Variants in CDKN2B-AS1 observed in about 807,000 individuals in gnomAD.
CDKN2B-AS1 encodes CDKN2B antisense RNA 1 (non-protein coding).
chr9:22,064,195 G>A (rs989227508), intron 4 of CDKN2B-AS1, among the ~76,000 whole-genome samples: 2 of 152,172 alleles, frequency 1.3e-5, no homozygotes, highest in African/African-American at 4.8e-5. Flanking sequence ...GTTCTATTGT[G>A]TCTTGAAGAA....
chr9:22,094,958 G>C (rs942582114), intron 4 of CDKN2B-AS1, among the ~76,000 whole-genome samples: 2 of 144,164 alleles, frequency 1.4e-5, no homozygotes, highest in Admixed American at 6.7e-5. Context: ...TACCTTTGGT[G>C]TTTGATGATG....
chr9:22,091,961 G>C lies in CDKN2B-AS1; in HGVS notation n.439-35142G>C, dbSNP rs542348295. 9.7e-3 allele frequency among the ~76,000 whole-genome samples: 1,472 copies of C among 152,212 alleles called. 28 individuals are homozygous for C. The highest frequency in any genetic ancestry group is 0.033 in the African/African-American group (1,353 of 41,508). On this transcript the variant is annotated intron_variant and non_coding_transcript_variant, in intron 4 of 4. Coordinates refer to ENST00000650946, the Ensembl canonical transcript of CDKN2B-AS1. ...TCAGTATGATATTGGCTGTGGTTTT[G>C]TTATAGATAGCTCTTATTATTTTGA...
At chr9:22,009,305 T>A (rs1478690837) in intron 1 of CDKN2B-AS1, 1 of 432,938 alleles carries the variant, frequency 2.3e-6, no homozygotes, top group Non-Finnish European at 4.1e-6. Flanking sequence ...TCTGGCAGAG[T>A]GGGGAGCCAG....
chr9:22,019,501 A>G (rs749824232), intron 1 of CDKN2B-AS1, among the ~76,000 whole-genome samples: 1 of 152,156 alleles, frequency 6.6e-6, no homozygotes, highest in Non-Finnish European at 1.5e-5. Context: ...GGTTTTTACA[A>G]TGAGAGAGGT....
chr9:22,052,613 C>T (rs1350637186), intron 3 of CDKN2B-AS1, among the ~76,000 whole-genome samples: 1 of 152,162 alleles, frequency 6.6e-6, no homozygotes, highest in Non-Finnish European at 1.5e-5. Context: ...AAAGTGTGGG[C>T]TTGCTGTCTT....
chr9:22,027,908 A>C (rs1299759245), intron 1 of CDKN2B-AS1, among the ~76,000 whole-genome samples: 1 of 152,238 alleles, frequency 6.6e-6, no homozygotes, highest in African/African-American at 2.4e-5. Context: ...ATTGAATAAA[A>C]ATAAAAGAGG....
At chr9:22,003,685 G>A in intron 1 of CDKN2B-AS1, 1 of 231,272 alleles carries the variant, frequency 4.3e-6, no homozygotes, top group South Asian at 1.8e-4. Context: ...CTGTCCCTGT[G>A]CTTCAGTTTG....
intron 4 of CDKN2B-AS1, among the ~76,000 whole-genome samples, chr9:22,126,633 C>A (rs550352839): frequency 7.7e-6 from 1 of 129,644 alleles, no homozygotes; most frequent in African/African-American, 2.9e-5. Flanking sequence ...ACTGCAGTGG[C>A]GCTATCTCGG....
rs1430356808 is a variant in CDKN2B-AS1, at chr9:22,006,949, TTTTAAA to T, written n.29+11793_29+11798del. 6.6e-6 allele frequency among the ~76,000 whole-genome samples: 1 copy of T among 152,168 alleles called. No homozygotes were observed. The highest frequency in any genetic ancestry group is 2.4e-5 in the African/African-American group (1 of 41,446). ...ATGATTTTTCCTTAACAGTTCATCA[TTTTAAA>T]TTTAGACTATAATATTTTTAATGTA... On this transcript the variant is annotated intron_variant and non_coding_transcript_variant, in intron 1 of 4. Transcript: ENST00000650946. This position sits in a 1 kb window ranked among gnomAD's most constrained non-coding sequence, Gnocchi z 6.4.
chr9:22,032,339 C>T (rs1162554623), intron 1 of CDKN2B-AS1, among the ~76,000 whole-genome samples: 3 of 152,100 alleles, frequency 2.0e-5, no homozygotes, highest in Admixed American at 6.5e-5. Flanking sequence ...CTCCTTTCCC[C>T]TTTTCCTCCC....
intron 1 of CDKN2B-AS1, among the ~76,000 whole-genome samples, chr9:22,015,508 G>A (rs929389154): frequency 6.6e-6 from 1 of 151,994 alleles, no homozygotes; most frequent in Non-Finnish European, 1.5e-5. Flanking sequence ...AAATAATCTT[G>A]TTTGAATTTT....
At chr9:22,078,571 T>C (rs1824580168) in intron 4 of CDKN2B-AS1, among the ~76,000 whole-genome samples, 1 of 152,230 alleles carries the variant, frequency 6.6e-6, no homozygotes, top group Admixed American at 6.5e-5. Flanking sequence ...TCTCAAGCTT[T>C]AGCAAACAAA....
intron 1 of CDKN2B-AS1, among the ~76,000 whole-genome samples, chr9:22,035,921 G>T (rs2131255365): frequency 6.6e-6 from 1 of 152,244 alleles, no homozygotes; most frequent in African/African-American, 2.4e-5. Flanking sequence ...CAATCACGGT[G>T]AAGGAGATGC....
At chr9:22,012,267 CT>C (rs1821542256) in intron 1 of CDKN2B-AS1, 2 of 1,453,708 alleles carry the variant, frequency 1.4e-6, no homozygotes, top group East Asian at 2.3e-5. Context: ...GGTATCCCCC[CT>C]GACAAGCAGC....
intron 4 of CDKN2B-AS1, among the ~76,000 whole-genome samples, chr9:22,103,571 A>G (rs1242617096): frequency 6.6e-6 from 1 of 152,186 alleles, no homozygotes; most frequent in African/African-American, 2.4e-5. Context: ...AATCTTTCTA[A>G]ACCTCAGCAT....
At chr9:22,096,787 C>T (rs1825290785) in intron 4 of CDKN2B-AS1, among the ~76,000 whole-genome samples, 3 of 152,214 alleles carry the variant, frequency 2.0e-5, no homozygotes, top group African/African-American at 2.4e-5. Context: ...AGTGCCTCAG[C>T]CTGTTTTGTT....
At chr9:22,094,092 G>C (rs922251645) in intron 4 of CDKN2B-AS1, among the ~76,000 whole-genome samples, 4 of 144,038 alleles carry the variant, frequency 2.8e-5, no homozygotes, top group Non-Finnish European at 5.9e-5. Flanking sequence ...AGTTTGGCTG[G>C]ATATGAAATT....
intron 1 of CDKN2B-AS1, among the ~76,000 whole-genome samples, chr9:22,019,013 C>A (rs895344509): frequency 5.9e-5 from 9 of 152,106 alleles, no homozygotes; most frequent in African/African-American, 2.2e-4. Flanking sequence ...AAAAGAGAGG[C>A]AGTCATTCCA....
intron 1 of CDKN2B-AS1, among the ~76,000 whole-genome samples, chr9:22,043,544 TGAAAGATTTGCTTC>T (rs1822986455): frequency 6.6e-6 from 1 of 151,988 alleles, no homozygotes; most frequent in Non-Finnish European, 1.5e-5. Context: ...ATCTAGCAGG[TGAAAGATTTGCTTC>T]TTTCAAAATG....
Sources: allele counts gnomAD v4.1 joint callset (sites outside exome capture counted in the v4.1 genomes callset), GRCh38; gene constraint gnomAD v4.1.1; non-coding constraint Gnocchi (gnomAD v3.1); transcripts MANE v1.5; gene names NCBI Gene and HGNC (gene_info 2026-07-23, HGNC 2026-07-21).